ST3GAL2: variants seen among roughly 807,000 people sequenced by gnomAD.
The protein encoded by ST3GAL2 is ST3 beta-galactoside alpha-2,3-sialyltransferase 2.
In ST3GAL2, 16 loss-of-function variants were observed where a neutral mutation model predicts 37.5. The observed-to-expected ratio is 0.43, with a 90% confidence interval of 0.29 to 0.65. The LOEUF (loss-of-function observed/expected upper bound fraction) is 0.65. Ranked by LOEUF, ST3GAL2 falls within the 30% of genes least tolerant of loss-of-function variation. The pLI is 0.17. For synonymous variants in ST3GAL2, 238 were observed against 202.9 expected (o/e 1.17, Z -1.47); for missense variants, 383 against 487.8 (o/e 0.79, Z 2.02).
intron 1 of ST3GAL2, among the ~76,000 whole-genome samples, chr16:70,415,343 C>T (rs151074246): frequency 6.6e-6 from 1 of 152,212 alleles, no homozygotes; most frequent in Non-Finnish European, 1.5e-5. Context: ...CTAGGCACCA[C>T]AGCAAGTCAT....
chr16:70,429,318 G>A (rs984239560), intron 1 of ST3GAL2, among the ~76,000 whole-genome samples: 2 of 152,118 alleles, frequency 1.3e-5, no homozygotes, highest in African/African-American at 4.8e-5. Context: ...CTGAGGCCGG[G>A]TAAGGTGGCT....
chr16:70,379,948 AT>A lies in ST3GAL2; in HGVS notation c.*1740del, dbSNP rs1444016503. 6.6e-6 allele frequency: 1 copy of A among 152,094 alleles called. No individual in the cohort carries two copies. Among genetic ancestry groups the A allele is most frequent in the Non-Finnish European group, 1.5e-5 (1 of 68,040 alleles). The allele number at this position is 152,094 out of a possible 1,614,324, so 9.4% of individuals were successfully genotyped here. A position where few individuals can be genotyped will look rare whatever the true frequency, so the allele number is the denominator to read the frequency against. On this transcript the variant is annotated 3_prime_UTR_variant, in exon 7 of 7. Coordinates refer to ENST00000342907, the MANE Select transcript of ST3GAL2 (RefSeq NM_006927.4). ...GCCACCGTACCTGGCGGGATTCATGATTTAAAGCAAAAGAAAAAAAAGAAAT... is the reference window on the plus strand; with the variant it reads ...GCCACCGTACCTGGCGGGATTCATGATTAAAGCAAAAGAAAAAAAAGAAAT...
At chr16:70,410,489 G>A (rs547464199) in intron 1 of ST3GAL2, among the ~76,000 whole-genome samples, 102 of 151,472 alleles carry the variant, frequency 6.7e-4, no homozygotes, top group African/African-American at 2.4e-3. Flanking sequence ...TCCTGACCTC[G>A]TGATCTGCCT....
chr16:70,427,227 C>T (rs2047757606), intron 1 of ST3GAL2, among the ~76,000 whole-genome samples: 1 of 152,062 alleles, frequency 6.6e-6, no homozygotes, highest in Admixed American at 6.6e-5. Flanking sequence ...GGATGCTATC[C>T]TTTAGACAGT....
At position 70,407,969 on chromosome 16, in the gene ST3GAL2, TGGGA is replaced by T. The variant is rs531631183; in HGVS notation, c.-1003-8440_-1003-8437del. ...TGGGGGGATGGGTGCTGCTTGCCTC[TGGGA>T]GGGAGAGGAGAAAGACGAAAGATAA... On this transcript the variant is annotated intron_variant, in intron 1 of 6. Coordinates refer to ENST00000342907, the MANE Select transcript of ST3GAL2 (RefSeq NM_006927.4). Among the ~76,000 whole-genome samples, 10 of 152,194 alleles carry T rather than the reference TGGGA, an allele frequency of 6.6e-5. No homozygotes were observed. In the South Asian group the frequency reaches 1.9e-3, roughly 28 times the overall value.
intron 2 of ST3GAL2, 81 bp from the exon 3 acceptor site, chr16:70,395,256 G>A (rs960762063): frequency 7.7e-7 from 1 of 1,304,340 alleles, no homozygotes; most frequent in South Asian, 1.4e-5. Context: ...CCCCTCCTCT[G>A]CCCTCACTAT....
At chr16:70,394,473 G>C (rs2151661728) in intron 3 of ST3GAL2, among the ~76,000 whole-genome samples, 1 of 152,192 alleles carries the variant, frequency 6.6e-6, no homozygotes, top group African/African-American at 2.4e-5. Context: ...AAACTCCTGG[G>C]TTCAAGCAAT....
chr16:70,402,502 C>A (rs1183526566), intron 1 of ST3GAL2, among the ~76,000 whole-genome samples: 1 of 152,020 alleles, frequency 6.6e-6, no homozygotes, highest in Non-Finnish European at 1.5e-5. Flanking sequence ...TTCTATGCCT[C>A]TCTATAAAGA....
chr16:70,418,469 G>A (rs192706960), intron 1 of ST3GAL2, among the ~76,000 whole-genome samples: 3 of 152,318 alleles, frequency 2.0e-5, no homozygotes, highest in Admixed American at 1.3e-4. Flanking sequence ...CCCTCTGTAA[G>A]GAGGCGGAGC....
At chr16:70,412,784 T>C (rs1469790302) in intron 1 of ST3GAL2, among the ~76,000 whole-genome samples, 2 of 151,922 alleles carry the variant, frequency 1.3e-5, no homozygotes, top group Non-Finnish European at 1.5e-5. Flanking sequence ...TGGTGGCTCA[T>C]ACCTGTAATC....
intron 1 of ST3GAL2, among the ~76,000 whole-genome samples, chr16:70,427,249 G>A (rs115416082): frequency 0.052 from 7,953 of 151,882 alleles, 268 homozygotes; most frequent in Non-Finnish European, 0.069. Flanking sequence ...TACCTTAGTA[G>A]AGGTATCCAA....
At chr16:70,406,846 C>A (rs2047595909) in intron 1 of ST3GAL2, among the ~76,000 whole-genome samples, 1 of 151,134 alleles carries the variant, frequency 6.6e-6, no homozygotes, top group Non-Finnish European at 1.5e-5. Flanking sequence ...GAGAGATGGT[C>A]TAGAATGTGT....
At chr16:70,385,610 G>T (rs778827401) in intron 4 of ST3GAL2, among the ~76,000 whole-genome samples, 7 of 151,826 alleles carry the variant, frequency 4.6e-5, no homozygotes, top group Non-Finnish European at 8.8e-5. Flanking sequence ...AGGGCTCGGG[G>T]TGGGAGGAGT....
intron 1 of ST3GAL2, among the ~76,000 whole-genome samples, chr16:70,408,634 G>A (rs567088871): frequency 1.3e-5 from 2 of 151,652 alleles, no homozygotes. Flanking sequence ...CCAAACCCTC[G>A]GGCAGCCCCT....
At chr16:70,395,715 C>T (rs986509567) in intron 2 of ST3GAL2, among the ~76,000 whole-genome samples, 4 of 152,192 alleles carry the variant, frequency 2.6e-5, no homozygotes, top group African/African-American at 9.7e-5. Context: ...ACCAGCGAGA[C>T]CTGTACCAAC....
At position 70,398,378 on chromosome 16, in the gene ST3GAL2, C is replaced by T; in HGVS notation, c.153G>A (p.Val51=). Residue 51 remains valine (V), a synonymous_variant, in exon 2 of 7, where the codon GTG becomes GTA. Transcript: ENST00000342907. ...GGCGCTGCAGGCCGGCATAGCCGGG[C>T]ACCAGCTTCACCCGGTGCGTCCCAT... ...ALDGTHRVKL[V]PGYAGLQRLS... is the part of the protein sequence containing the mutation. 1 of 1,613,532 alleles carries T rather than the reference C, an allele frequency of 6.2e-7. No individual in the cohort carries two copies. The highest frequency in any genetic ancestry group is 8.5e-7 in the Non-Finnish European group (1 of 1,180,010).
chr16:70,388,319 A>C, intron 4 of ST3GAL2, 48 bp downstream of exon 4: 3 of 1,611,874 alleles, frequency 1.9e-6, no homozygotes, highest in Non-Finnish European at 2.5e-6. Context: ...GACTCTGCCC[A>C]AGATGGTCCT....
At chr16:70,414,873 A>T (rs942821744) in intron 1 of ST3GAL2, among the ~76,000 whole-genome samples, 8 of 148,256 alleles carry the variant, frequency 5.4e-5, no homozygotes, top group East Asian at 3.9e-4. Context: ...TTATTTATTT[A>T]TTATTTATTT....
Position 70,427,252 on chromosome 16 carries a change from G to T in ST3GAL2, c.-1004+11697C>A, listed in dbSNP as rs533860308. ...CTTTAGACAGTATACCTTAGTAGAG[G>T]TATCCAAAAAGTATCTCAAACTCAA... On this transcript the variant is annotated intron_variant, in intron 1 of 6. Coordinates refer to ENST00000342907, the MANE Select transcript of ST3GAL2 (RefSeq NM_006927.4). Among the ~76,000 whole-genome samples the T allele has an allele frequency of 1.9e-4, 29 of 151,834 alleles. No homozygotes were observed. In the South Asian group the frequency reaches 5.4e-3, roughly 28 times the overall value.
Sources: gnomAD v4.1 joint callset for allele counts (sites outside exome capture counted in the v4.1 genomes callset) on GRCh38, gnomAD v4.1.1 for gene constraint, MANE v1.5 for transcripts, NCBI Gene and HGNC (gene_info 2026-07-23, HGNC 2026-07-21) for gene names.